The following RAB3GAP1 variants were observed in gnomAD, a reference collection of about 807,000 sequenced individuals.
RAB3GAP1 encodes rab3 GTPase-activating protein catalytic subunit.
A neutral mutation model predicts 130.7 loss-of-function variants in RAB3GAP1; 86 were observed. The observed-to-expected ratio is 0.66, with a 90% confidence interval of 0.55 to 0.79. RAB3GAP1 has a LOEUF of 0.79. Among genes scored for constraint, RAB3GAP1 ranks in the 30% least tolerant of loss-of-function variants. The pLI is 0.00. For synonymous variants in RAB3GAP1, 367 were observed against 401.7 expected (o/e 0.91, Z 1.03); for missense variants, 1,029 against 1,169.4 (o/e 0.88, Z 1.75).
chr2:135,101,825 G>T (rs1690458534), intron 5 of RAB3GAP1, among the ~76,000 whole-genome samples: 1 of 151,648 alleles, frequency 6.6e-6, no homozygotes, highest in African/African-American at 2.4e-5. Context: ...TCTTCTAGTG[G>T]GTGTTTCCTG....
At chr2:135,106,063 C>T (rs1220799026) in intron 5 of RAB3GAP1, among the ~76,000 whole-genome samples, 1 of 151,064 alleles carries the variant, frequency 6.6e-6, no homozygotes, top group African/African-American at 2.4e-5. Context: ...AAGTGAGGAG[C>T]GTCTCGGCCC....
At chr2:135,069,241 TA>T (rs1213821384) in intron 3 of RAB3GAP1, among the ~76,000 whole-genome samples, 13 of 152,220 alleles carry the variant, frequency 8.5e-5, no homozygotes, top group African/African-American at 3.1e-4. Flanking sequence ...ATATGCAGTG[TA>T]AACAGACCAC....
At chr2:135,068,510 T>G (rs990314986) in intron 3 of RAB3GAP1, among the ~76,000 whole-genome samples, 8 of 150,874 alleles carry the variant, frequency 5.3e-5, no homozygotes, top group African/African-American at 1.9e-4. Context: ...CCCATCACTT[T>G]GGGAGGCTGA....
intron 3 of RAB3GAP1, 59 bp from the exon 4 acceptor site, chr2:135,090,938 TA>T: frequency 6.8e-7 from 1 of 1,479,168 alleles, no homozygotes; most frequent in East Asian, 2.3e-5. Flanking sequence ...CTGTCGTTAG[TA>T]AATATAATGA....
chr2:135,162,775 A>G lies in RAB3GAP1; in HGVS notation c.2414A>G (p.Lys805Arg). Reference protein sequence around the residue: ...EESLENISSVKKIIKQIISHS... With the variant: ...EESLENISSVRKIIKQIISHS... The stretch of plus-strand genomic sequence containing the variant: ...AGTCTCGAAAACATTTCTTCAGTTA[A>G]GAAGATCATAAAGCAGATAATATCC... The change falls in exon 21 of 24, where the codon AAG becomes AGG. Residue 805 changes from lysine to arginine, a missense_variant. Transcript: ENST00000264158. The G allele has an allele frequency of 6.2e-7, 1 of 1,613,710 alleles. No homozygotes were observed. Among genetic ancestry groups the G allele is most frequent in the Non-Finnish European group, 8.5e-7 (1 of 1,179,580 alleles).
intron 7 of RAB3GAP1, among the ~76,000 whole-genome samples, chr2:135,117,564 T>G (rs1443508734): frequency 8.9e-4 from 132 of 148,806 alleles, no homozygotes; most frequent in Non-Finnish European, 1.3e-3. Context: ...TTCTGCTTCT[T>G]CTTCTGCTTC....
chr2:135,076,206 C>A (rs988532647), intron 3 of RAB3GAP1, among the ~76,000 whole-genome samples: 1 of 152,224 alleles, frequency 6.6e-6, no homozygotes, highest in South Asian at 2.1e-4. Context: ...CCGTGCCCGG[C>A]CTTCTGTAAC....
chr2:135,152,408 C>A (rs1692201988), intron 18 of RAB3GAP1, among the ~76,000 whole-genome samples: 2 of 152,188 alleles, frequency 1.3e-5, no homozygotes, highest in South Asian at 2.1e-4. Context: ...GTATGAAATG[C>A]CTTTCTTCAA....
intron 3 of RAB3GAP1, among the ~76,000 whole-genome samples, chr2:135,082,057 G>A (rs957606083): frequency 2.0e-5 from 3 of 152,012 alleles, no homozygotes; most frequent in Admixed American, 2.0e-4. Flanking sequence ...TGGGAGAACC[G>A]CTTGAACCCA....
intron 5 of RAB3GAP1, among the ~76,000 whole-genome samples, chr2:135,103,745 A>C (rs1028415825): frequency 1.3e-5 from 2 of 152,184 alleles, no homozygotes; most frequent in African/African-American, 4.8e-5. Flanking sequence ...GGAAGGTACA[A>C]AAACTTTTGC....
chr2:135,115,429 G>T (rs768727949), intron 7 of RAB3GAP1, 48 bp downstream of exon 7: 2 of 1,536,298 alleles, frequency 1.3e-6, no homozygotes, highest in Non-Finnish European at 1.8e-6. Flanking sequence ...CCAGATAAAA[G>T]TAGAGATTTG....
chr2:135,167,739 T>C, intron 23 of RAB3GAP1: 5 of 1,458,770 alleles, frequency 3.4e-6, no homozygotes, highest in South Asian at 1.2e-5. Context: ...TTGCCCCTCA[T>C]AGTTCCTTGT....
chr2:135,138,775 A>AT (rs1368927947), intron 17 of RAB3GAP1, among the ~76,000 whole-genome samples: 2 of 151,770 alleles, frequency 1.3e-5, no homozygotes, highest in Non-Finnish European at 2.9e-5. Context: ...TGCCAGGCTG[A>AT]TTTTTTCACT....
intron 7 of RAB3GAP1, among the ~76,000 whole-genome samples, 168 bp downstream of exon 7, chr2:135,115,549 A>G (rs925505387): frequency 1.3e-5 from 2 of 152,254 alleles, no homozygotes; most frequent in African/African-American, 4.8e-5. Flanking sequence ...CTAAGAAACA[A>G]AATATCCAAT....
chr2:135,125,825 A>G (rs1040676805), intron 9 of RAB3GAP1, among the ~76,000 whole-genome samples: 1 of 152,212 alleles, frequency 6.6e-6, no homozygotes, highest in African/African-American at 2.4e-5. Flanking sequence ...CAGTTGATTT[A>G]GGGTAACTGA....
intron 5 of RAB3GAP1, among the ~76,000 whole-genome samples, chr2:135,105,967 T>C: frequency 6.6e-6 from 1 of 150,422 alleles, no homozygotes; most frequent in African/African-American, 2.5e-5. Flanking sequence ...AGCCGCCCCG[T>C]CTGAGAAGTG....
chr2:135,137,316 G>T, intron 17 of RAB3GAP1: 1 of 225,198 alleles, frequency 4.4e-6, no homozygotes. Context: ...ATCGCTTAGG[G>T]TGTCAAATTG....
chr2:135,170,587 T>TC lies in RAB3GAP1; in HGVS notation c.*1806_*1807insC, dbSNP rs1383408018. ...CTGACACCACGTTGCCACAAAATGT[T>TC]GAGTATAGTCAACTCTGCTGTGTGG... On this transcript the variant is annotated 3_prime_UTR_variant, in exon 24 of 24. Transcript: ENST00000264158. 2.0e-5 allele frequency: 3 copies of TC among 152,246 alleles called. No homozygotes were observed. Among genetic ancestry groups the TC allele is most frequent in the Admixed American group, 2.0e-4 (3 of 15,288 alleles). The allele number at this position is 152,246 out of a possible 1,614,324, so 9.4% of individuals were successfully genotyped here.
chr2:135,103,035 A>T (rs989832487), intron 5 of RAB3GAP1, among the ~76,000 whole-genome samples: 113 of 90,836 alleles, frequency 1.2e-3, no homozygotes, highest in African/African-American at 2.9e-3. Context: ...CATTTTTGTG[A>T]TTTTTTTTTT....
Sources: gnomAD v4.1 joint callset for allele counts (sites outside exome capture counted in the v4.1 genomes callset) on GRCh38, gnomAD v4.1.1 for gene constraint, MANE v1.5 for transcripts, NCBI Gene and HGNC (gene_info 2026-07-23, HGNC 2026-07-21) for gene names.